Variants in SERPINA5 observed in about 807,000 individuals in gnomAD.
SERPINA5 encodes plasma serine protease inhibitor.
In SERPINA5, 25 loss-of-function variants were observed where a neutral mutation model predicts 25.3. The observed-to-expected ratio is 0.99, with a 90% CI of 0.72 to 1.38. The LOEUF (loss-of-function observed/expected upper bound fraction) is 1.38, where lower values mean the gene tolerates loss of function less well. Among genes scored for constraint, SERPINA5 ranks in the 40% most tolerant of loss-of-function variants. The pLI is 0.00. For synonymous variants in SERPINA5, 234 were observed against 206.2 expected (o/e 1.14, Z -1.16); for missense variants, 599 against 509.5 (o/e 1.18, Z -1.69).
chr14:94,591,022 G>A (rs113856710), intron 5 of SERPINA5, 126 bp downstream of exon 5: 1 of 793,926 alleles, frequency 1.3e-6, no homozygotes, highest in South Asian at 2.4e-5. Context: ...CTCCACTCCA[G>A]TTCACTCTAT....
At chr14:94,590,690 T>G (rs1885248848) in intron 4 of SERPINA5, 59 bp from the exon 5 acceptor site, 28 of 1,557,008 alleles carry the variant, frequency 1.8e-5, no homozygotes, top group Non-Finnish European at 2.4e-5. Flanking sequence ...ATCCAAGGGG[T>G]GAGGCTCAGT....
Position 94,587,665 on chromosome 14 carries a change from A to G in SERPINA5, c.303A>G (p.Lys101=). 1.2e-6 allele frequency: 2 copies of G among 1,614,066 alleles called. No homozygotes were observed. Among genetic ancestry groups the G allele is most frequent in the Non-Finnish European group, 8.5e-7 (1 of 1,179,976 alleles). ...ILEGLGLNLQ[K]SSEKELHRGF... ...AGGGCCTGGGCCTCAACCTCCAGAA[A>G]AGCTCAGAGAAGGAGCTGCACAGAG... Residue 101 remains lysine (K), a synonymous_variant, in exon 3 of 6, where the codon AAA becomes AAG. Coordinates refer to ENST00000329597, the MANE Select transcript of SERPINA5 (RefSeq NM_000624.6).
In SERPINA5 at chr14:94,590,644, T is replaced by A. The variant is rs75854579; in HGVS notation, c.891-105T>A. 112 of 1,347,982 alleles carry A rather than the reference T, an allele frequency of 8.3e-5. 1 individual carries two copies. In the African/African-American group the frequency reaches 1.3e-3, roughly 15 times the overall value. 83.5% of individuals were successfully genotyped at this position (1,347,982 alleles called of 1,614,324 possible). Reference sequence around the variant, plus strand: ...TTCCTTGGGTTAAGGAGTCCTTTTTTAAAACCATCAAAACTAAGAATCCAG... The same window carrying A: ...TTCCTTGGGTTAAGGAGTCCTTTTTAAAAACCATCAAAACTAAGAATCCAG... On this transcript the variant is annotated intron_variant, in intron 4 of 5. Transcript: ENST00000329597.
intron 5 of SERPINA5, 152 bp downstream of exon 5, chr14:94,591,048 TCCA>T (rs1885263430): frequency 1.7e-6 from 1 of 603,808 alleles, no homozygotes; most frequent in African/African-American, 2.0e-5. Context: ...TCCACTCCAC[TCCA>T]CTCCAGTTCA....
In SERPINA5 at chr14:94,587,412, C is replaced by A; in HGVS notation, c.50C>A (p.Ala17Asp). The A allele has an allele frequency of 6.2e-7, 1 of 1,613,702 alleles. No individual in the cohort carries two copies. Among genetic ancestry groups the A allele is most frequent in the South Asian group, 1.1e-5 (1 of 91,028 alleles). The change falls in exon 3 of 6, where the codon GCC (alanine) becomes GAC (aspartate). Residue 17 changes from alanine (A) to aspartate (D), a missense_variant. Coordinates refer to ENST00000329597, the MANE Select transcript of SERPINA5 (RefSeq NM_000624.6). ...LCLVLLSPQG[A>D]SLHRHHPREM... The stretch of plus-strand genomic sequence containing the variant: ...CTGGTGCTTCTCAGCCCTCAGGGGG[C>A]CTCCCTTCACCGCCACCACCCCCGG...
At chr14:94,590,552 C>A (rs1056365459) in intron 4 of SERPINA5, 197 bp from the exon 5 acceptor site, 4 of 788,102 alleles carry the variant, frequency 5.1e-6, no homozygotes, top group African/African-American at 3.5e-5. Context: ...GGGCAGCCCA[C>A]GTCCAAGTCC....
rs1885230789 is a variant in SERPINA5 at position 94,590,158 on chromosome 14, T to C, written c.737T>C (p.Leu246Pro). 2 of 1,614,076 alleles carry C rather than the reference T, an allele frequency of 1.2e-6. No individual in the cohort carries two copies. The highest frequency in any genetic ancestry group is 2.2e-5 in the South Asian group (2 of 91,074). Residue 246 changes from leucine to proline, a missense_variant, in exon 4 of 6, where the codon CTG becomes CCG. Coordinates refer to ENST00000329597, the MANE Select transcript of SERPINA5 (RefSeq NM_000624.6). ...CGCGAGGATCAGTATCACTACCTCC[T>C]GGACCGGAACCTCTCCTGCAGGGTG... ...MSREDQYHYL[L>P]DRNLSCRVVG...
At chr14:94,590,407 T>C in intron 4 of SERPINA5, 96 bp downstream of exon 4, 1 of 1,428,262 alleles carries the variant, frequency 7.0e-7, no homozygotes, top group Admixed American at 2.5e-5. Context: ...TGGGAAGGAC[T>C]CACCCAGCCA....
Position 94,592,267 on chromosome 14 carries a change from C to T in SERPINA5, c.*28C>T, listed in dbSNP as rs1335274048. ...TGGGGCTTCTCCTGAAATCTACAGG[C>T]CTCAGGGTGGGAGATGAAGGGGGCT... On this transcript the variant is annotated 3_prime_UTR_variant, in exon 6 of 6. Transcript: ENST00000329597. 7 of 1,596,480 alleles carry T rather than the reference C, an allele frequency of 4.4e-6. No homozygotes were observed. The highest frequency in any genetic ancestry group is 2.7e-5 in the African/African-American group (2 of 74,486).
intron 4 of SERPINA5, 53 bp downstream of exon 4, chr14:94,590,364 C>T (rs778448645): frequency 2.0e-6 from 3 of 1,526,704 alleles, no homozygotes; most frequent in Non-Finnish European, 2.6e-6. Context: ...CCCAGGGAGA[C>T]ACACACGCCC....
chr14:94,590,697 C>G, intron 4 of SERPINA5, 52 bp from the exon 5 acceptor site: 2 of 1,573,362 alleles, frequency 1.3e-6, no homozygotes, highest in East Asian at 4.5e-5. Context: ...GGGTGAGGCT[C>G]AGTGTGCCAA....
chr14:94,592,277 G>T lies in SERPINA5; in HGVS notation c.*38G>T, dbSNP rs2069990. On this transcript the variant is annotated 3_prime_UTR_variant, in exon 6 of 6. Coordinates refer to ENST00000329597, the MANE Select transcript of SERPINA5 (RefSeq NM_000624.6). ...CCTGAAATCTACAGGCCTCAGGGTG[G>T]GAGATGAAGGGGGCTAAGCTATGGC... 1 of 1,585,160 alleles carries T rather than the reference G, an allele frequency of 6.3e-7. No individual in the cohort carries two copies. Among genetic ancestry groups the T allele is most frequent in the Non-Finnish European group, 8.6e-7 (1 of 1,162,664 alleles).
rs1180868891 is a variant in SERPINA5 at position 94,592,644 on chromosome 14, T to A, written c.*405T>A. On this transcript the variant is annotated 3_prime_UTR_variant, in exon 6 of 6. Transcript: ENST00000329597. ...CCAGGAAGCACAGGTCCAAGGCTGG[T>A]CCCACACTTATCAGCAGCAACAACT... The A allele has an allele frequency of 6.1e-6, 1 of 165,078 alleles. No individual in the cohort carries two copies. The highest frequency in any genetic ancestry group is 1.3e-5 in the Non-Finnish European group (1 of 75,856). 10.2% of individuals were successfully genotyped at this position (165,078 alleles called of 1,614,324 possible).
intron 2 of SERPINA5, among the ~76,000 whole-genome samples, chr14:94,583,635 A>G (rs1342322773): frequency 6.6e-6 from 1 of 152,238 alleles, no homozygotes; most frequent in African/African-American, 2.4e-5. Context: ...AATATCAGTC[A>G]GCAGATTTGG....
rs1450319605 is a variant in SERPINA5 at position 94,590,898 on chromosome 14, T to C, written c.1038+2T>C. ...CACTCAAATATCCAGGTGTCTGAGGTGGGTTCAGAAGCTCCTATGCATCTG... is the reference window on the plus strand; with the variant it reads ...CACTCAAATATCCAGGTGTCTGAGGCGGGTTCAGAAGCTCCTATGCATCTG... On this transcript the variant is annotated splice_donor_variant, in intron 5 of 5. Transcript: ENST00000329597. LOFTEE classifies it high-confidence loss of function. 3 of 1,609,748 alleles carry C rather than the reference T, an allele frequency of 1.9e-6. No individual in the cohort carries two copies. Among genetic ancestry groups the C allele is most frequent in the Non-Finnish European group, 2.5e-6 (3 of 1,177,186 alleles).
chr14:94,587,980 A>G lies in SERPINA5; in HGVS notation c.618A>G (p.Lys206=). 6.2e-7 allele frequency: 1 copy of G among 1,611,774 alleles called. No homozygotes were observed. Among genetic ancestry groups the G allele is most frequent in the Non-Finnish European group, 8.5e-7 (1 of 1,178,304 alleles). The part of the protein sequence containing the change: ...VVIMVNYIFF[K]AKWETSFNHK... ...TCATGGTGAATTACATCTTCTTTAA[A>G]GGTAAGGCCCTTGGGCCCAAACCTG... Residue 206 remains lysine (K), a splice_region_variant and synonymous_variant, in exon 3 of 6, where the codon AAA becomes AAG. Transcript: ENST00000329597.
At chr14:94,591,007 C>T (rs1595081929) in intron 5 of SERPINA5, 111 bp downstream of exon 5, 1 of 781,768 alleles carries the variant, frequency 1.3e-6, no homozygotes, top group Non-Finnish European at 1.9e-6. Context: ...CTCCACTCCA[C>T]TCCACTCCAC....
chr14:94,591,191 T>C (rs1885274023), intron 5 of SERPINA5, among the ~76,000 whole-genome samples: 1 of 137,142 alleles, frequency 7.3e-6, no homozygotes, highest in Non-Finnish European at 1.6e-5. Context: ...CACTCCACTC[T>C]ACTCCTCCAC....
chr14:94,589,117 G>A (rs1029681034), intron 3 of SERPINA5, among the ~76,000 whole-genome samples: 4 of 152,166 alleles, frequency 2.6e-5, no homozygotes, highest in African/African-American at 2.4e-5. Flanking sequence ...AGCTAAGGAC[G>A]GTATTGACTG....
Sources: allele counts gnomAD v4.1 joint callset (sites outside exome capture counted in the v4.1 genomes callset), GRCh38; gene constraint gnomAD v4.1.1; transcripts MANE v1.5; gene names NCBI Gene and HGNC (gene_info 2026-07-23, HGNC 2026-07-21).